EXOC4: variants seen among roughly 807,000 people sequenced by gnomAD.
EXOC4 encodes exocyst complex component 4, also known as SEC8-like 1.
A neutral mutation model predicts 107.2 loss-of-function variants in EXOC4; 71 were observed. The observed-to-expected ratio is 0.66, with a 90% CI of 0.55 to 0.81. The LOEUF (loss-of-function observed/expected upper bound fraction) is 0.81. Among genes scored for constraint, EXOC4 ranks in the 30% least tolerant of loss-of-function variants. The pLI is 0.00. For synonymous variants in EXOC4, 456 were observed against 441.2 expected (o/e 1.03, Z -0.42); for missense variants, 1,108 against 1,189.6 (o/e 0.93, Z 1.01).
At chr7:133,842,423 T>C (rs1340809756) in intron 11 of EXOC4, among the ~76,000 whole-genome samples, 48 of 152,354 alleles carry the variant, frequency 3.2e-4, no homozygotes. Flanking sequence ...TTTTTTCATA[T>C]GCTTCTTGGC....
At chr7:133,818,755 A>G (rs1797435538) in intron 11 of EXOC4, among the ~76,000 whole-genome samples, 1 of 151,950 alleles carries the variant, frequency 6.6e-6, no homozygotes, top group African/African-American at 2.4e-5. Flanking sequence ...TTAAAATGTC[A>G]TGTCCACTGG....
At chr7:134,086,504 A>G in the EXOC4 span, among the ~76,000 whole-genome samples, 1 of 152,296 alleles carries the variant, frequency 6.6e-6, no homozygotes, top group African/African-American at 2.4e-5. Context: ...CCCTCCTGAA[A>G]ACAAAAGTAA....
At chr7:133,693,400 G>T (rs1794463013) in intron 10 of EXOC4, among the ~76,000 whole-genome samples, 1 of 152,184 alleles carries the variant, frequency 6.6e-6, no homozygotes, top group African/African-American at 2.4e-5. Flanking sequence ...GCTGGCAGCT[G>T]ATTAGATGGT....
intron 14 of EXOC4, among the ~76,000 whole-genome samples, chr7:133,964,436 G>T (rs986270704): frequency 6.6e-6 from 1 of 151,884 alleles, no homozygotes; most frequent in African/African-American, 2.4e-5. Flanking sequence ...CCATCAACCG[G>T]TCATCTACAT....
chr7:133,447,464 AGAG>A (rs1451852092), intron 7 of EXOC4: 2 of 152,138 alleles, frequency 1.3e-5, no homozygotes, highest in African/African-American at 2.4e-5. Context: ...GAAAAATGAA[AGAG>A]GAGATTTAAC....
At chr7:133,818,105 T>G (rs1478929131) in intron 11 of EXOC4, among the ~76,000 whole-genome samples, 1 of 152,154 alleles carries the variant, frequency 6.6e-6, no homozygotes, top group Non-Finnish European at 1.5e-5. Flanking sequence ...TCAGAAAAAA[T>G]AAAATAATCT....
intron 7 of EXOC4, among the ~76,000 whole-genome samples, chr7:133,419,771 G>A (rs1465409837): frequency 6.6e-6 from 1 of 152,016 alleles, no homozygotes; most frequent in Non-Finnish European, 1.5e-5. Context: ...ATTTTCCTAT[G>A]GCTGCCTACA....
Position 133,253,152 on chromosome 7 carries a change from C to G in EXOC4, c.51C>G (p.Ser17Arg). 10 of 1,614,176 alleles carry G rather than the reference C, an allele frequency of 6.2e-6. No individual in the cohort carries two copies. Among genetic ancestry groups the G allele is most frequent in the Non-Finnish European group, 8.5e-6 (10 of 1,179,998 alleles). The part of the protein sequence containing the change: ...GGKYRSTVSK[S>R]KDPSGLLISV... ...AATACAGAAGCACAGTCAGCAAAAGCAAAGACCCCTCGGGGCTGCTCATCT... is the reference window on the plus strand; with the variant it reads ...AATACAGAAGCACAGTCAGCAAAAGGAAAGACCCCTCGGGGCTGCTCATCT... Residue 17 changes from serine to arginine, a missense_variant, in exon 1 of 18, where the codon AGC (serine) becomes AGG (arginine). Ser to Arg is a moderately radical substitution (Grantham distance 110). Coordinates refer to ENST00000253861, the MANE Select transcript of EXOC4 (RefSeq NM_021807.4).
chr7:133,544,034 G>A (rs554190192), intron 9 of EXOC4, among the ~76,000 whole-genome samples: 1 of 152,078 alleles, frequency 6.6e-6, no homozygotes, highest in East Asian at 1.9e-4. Flanking sequence ...CCAAGGCTAG[G>A]GGCTAAATTT....
In EXOC4 at chr7:133,835,543, A is replaced by G. The variant is rs144054586; in HGVS notation, c.1734+17999A>G. Among the ~76,000 whole-genome samples, 281 of 151,742 alleles carry G rather than the reference A, an allele frequency of 1.9e-3. 3 individuals are homozygous for G. The highest frequency in any genetic ancestry group is 6.3e-3 in the African/African-American group (258 of 41,054). ...GATATGCATCTATCTCAGTGAGCAG[A>G]GGGATGACTTTGAATAGAATGGGAG... On this transcript the variant is annotated intron_variant, in intron 11 of 17. Transcript: ENST00000253861.
Position 134,015,648 on chromosome 7 carries a change from A to G in EXOC4, c.2687+7813A>G, listed in dbSNP as rs191270551. 4.2e-4 allele frequency among the ~76,000 whole-genome samples: 64 copies of G among 152,134 alleles called. 1 individual carries two copies. The East Asian group carries it at 0.012, about 29-fold the overall frequency. On this transcript the variant is annotated intron_variant, in intron 17 of 17. Transcript: ENST00000253861. ...TCCCAGCACTTTGGGAGGCCGAGGC[A>G]GGTGGATCACGAGGTCAGGAGATCG... is the stretch of plus-strand genomic sequence containing the variant.
At chr7:133,709,194 A>C (rs1794831068) in intron 10 of EXOC4, among the ~76,000 whole-genome samples, 1 of 152,208 alleles carries the variant, frequency 6.6e-6, no homozygotes, top group African/African-American at 2.4e-5. Context: ...GCAAAGGACA[A>C]CAAGTTATCA....
At chr7:133,946,989 A>T (rs944697992) in intron 14 of EXOC4, among the ~76,000 whole-genome samples, 1 of 152,154 alleles carries the variant, frequency 6.6e-6, no homozygotes, top group African/African-American at 2.4e-5. Context: ...CTTATTCCTT[A>T]GTCTAGGAGA....
chr7:133,917,297 A>G (rs1563056331), intron 12 of EXOC4, among the ~76,000 whole-genome samples: 1 of 152,180 alleles, frequency 6.6e-6, no homozygotes, highest in Non-Finnish European at 1.5e-5. Flanking sequence ...AACATACCAT[A>G]TGCTTTTATT....
chr7:133,839,906 A>G (rs960554754), intron 11 of EXOC4, among the ~76,000 whole-genome samples: 2 of 152,194 alleles, frequency 1.3e-5, no homozygotes, highest in African/African-American at 4.8e-5. Flanking sequence ...AACAGAGGTG[A>G]AGGAGACCTG....
intron 12 of EXOC4, among the ~76,000 whole-genome samples, chr7:133,899,563 T>C (rs775131596): frequency 2.0e-5 from 3 of 152,314 alleles, no homozygotes; most frequent in East Asian, 1.9e-4. Flanking sequence ...CCTTGAAATA[T>C]ATGAAGATAG....
chr7:133,959,447 A>G (rs2971972), intron 14 of EXOC4, among the ~76,000 whole-genome samples: 104,907 of 151,202 alleles, frequency 0.69, 36,790 homozygotes, highest in East Asian at 0.91. Context: ...ATGAAGGTGG[A>G]AAAAAAAGAC....
chr7:133,444,542 A>G (rs1420585406), intron 7 of EXOC4, among the ~76,000 whole-genome samples: 2 of 152,200 alleles, frequency 1.3e-5, no homozygotes, highest in Non-Finnish European at 2.9e-5. Flanking sequence ...CACATAGGGT[A>G]ATTCCTTACT....
chr7:133,278,933 A>G (rs1014758807), intron 2 of EXOC4, among the ~76,000 whole-genome samples: 1 of 152,052 alleles, frequency 6.6e-6, no homozygotes, highest in Non-Finnish European at 1.5e-5. Context: ...CTCGTCATTT[A>G]GCATTAGGTA....
Sources: allele counts gnomAD v4.1 joint callset (sites outside exome capture counted in the v4.1 genomes callset), GRCh38; gene constraint gnomAD v4.1.1; transcripts MANE v1.5; gene names NCBI Gene and HGNC (gene_info 2026-07-23, HGNC 2026-07-21).